Variants in TOP3A observed in about 807,000 individuals in gnomAD.
TOP3A encodes the protein DNA topoisomerase 3-alpha.
Under a neutral mutation model 111.3 loss-of-function variants are expected in TOP3A, and 64 were observed. That is an observed-to-expected ratio of 0.57 (90% CI 0.47 to 0.71). TOP3A has a LOEUF of 0.71. Ranked by LOEUF, TOP3A falls within the 30% of genes least tolerant of loss-of-function variation. The pLI is 0.00. For missense variants in TOP3A, 1,104 were observed against 1,285.0 expected, an observed-to-expected ratio of 0.86 and a Z score of 2.15; for synonymous variants, 484 against 485.1, an observed-to-expected ratio of 1.00 and a Z score of 0.03.
In TOP3A at chr17:18,292,833, T is replaced by A. The variant is rs774410894; in HGVS notation, c.1093A>T (p.Thr365Ser). 9.3e-6 allele frequency: 15 copies of A among 1,613,328 alleles called. 1 individual carries two copies. The South Asian group carries it at 1.6e-4, about 18-fold the overall frequency. The change falls in exon 11 of 19, where the codon ACA (threonine) becomes TCA (serine). Residue 365 changes from threonine (T) to serine (S), a missense_variant. Physicochemically the swap from Thr to Ser is moderately conservative, Grantham distance 58. Coordinates refer to ENST00000321105, the MANE Select transcript of TOP3A (RefSeq NM_004618.5). ...YTQGYISYPR[T>S]ETNIFPRDLN... ...TCTCTGGGAAAAATGTTTGTTTCTG[T>A]TCGGGGATAGCTGATGTACCTAAAA... is the stretch of plus-strand genomic sequence containing the variant.
At chr17:18,276,690 C>T (rs1979391985) in intron 18 of TOP3A, among the ~76,000 whole-genome samples, 1 of 152,150 alleles carries the variant, frequency 6.6e-6, no homozygotes, top group Admixed American at 6.6e-5. Context: ...TCCCACTAGG[C>T]CTTTGGGTCA....
At chr17:18,290,172 T>C (rs754953448) in intron 13 of TOP3A, among the ~76,000 whole-genome samples, 16 of 152,230 alleles carry the variant, frequency 1.1e-4, no homozygotes, top group Non-Finnish European at 1.6e-4. Flanking sequence ...AAAATGAAGA[T>C]AGATTTTATG....
Position 18,274,547 on chromosome 17 carries a change from A to C in TOP3A, c.*255T>G. The C allele has an allele frequency of 3.4e-5, 13 of 384,528 alleles. No individual in the cohort carries two copies. Among genetic ancestry groups the C allele is most frequent in the South Asian group, 6.7e-5 (1 of 14,880 alleles). The allele number at this position is 384,528 out of a possible 1,614,324, so 23.8% of individuals were successfully genotyped here. A position where few individuals can be genotyped will look rare whatever the true frequency, so the allele number is the denominator to read the frequency against. ...CAACCATCCTTGGGGGGTCCGAGGG[A>C]GCAGCTGCGTGACTTTTCAGCAGTG... On this transcript the variant is annotated 3_prime_UTR_variant, in exon 19 of 19. Transcript: ENST00000321105.
rs1460514445 is a variant in TOP3A, at chr17:18,272,230, A to G, written c.*2572T>C. ...CACAATGACACGCCACTTCATACCC[A>G]CTAGGATGACAAAACACTAGGATGG... On this transcript the variant is annotated 3_prime_UTR_variant, in exon 19 of 19. Transcript: ENST00000321105. 6.6e-6 allele frequency among the ~76,000 whole-genome samples: 1 copy of G among 152,204 alleles called. No individual in the cohort carries two copies. The highest frequency in any genetic ancestry group is 2.4e-5 in the African/African-American group (1 of 41,460).
chr17:18,282,933 TG>T, intron 15 of TOP3A, 92 bp from the exon 16 acceptor site: 1 of 1,525,114 alleles, frequency 6.6e-7, no homozygotes, highest in Middle Eastern at 1.7e-4. Context: ...GGCGTGACCT[TG>T]AGAACCAGCT....
chr17:18,283,145 G>A (rs530764374), intron 15 of TOP3A, among the ~76,000 whole-genome samples: 7 of 152,246 alleles, frequency 4.6e-5, no homozygotes, highest in Admixed American at 2.0e-4. Context: ...CGAGGCGGGC[G>A]GATCACCTGA....
intron 16 of TOP3A, 24 bp downstream of exon 16, chr17:18,282,674 G>C (rs752031788): frequency 6.2e-6 from 10 of 1,612,326 alleles, no homozygotes; most frequent in Middle Eastern, 4.1e-4. Context: ...GAGCAGAGGT[G>C]GGGGCAGAAG....
At chr17:18,276,707 G>C (rs1034327720) in intron 18 of TOP3A, among the ~76,000 whole-genome samples, 1 of 152,186 alleles carries the variant, frequency 6.6e-6, no homozygotes, top group Admixed American at 6.5e-5. Context: ...GTCATTCTCA[G>C]CTACTTAAGC....
intron 13 of TOP3A, among the ~76,000 whole-genome samples, chr17:18,287,853 C>G (rs1391008670): frequency 6.6e-6 from 1 of 151,436 alleles, no homozygotes; most frequent in African/African-American, 2.4e-5. Context: ...CAAAAATTAG[C>G]TGGGTGTGGT....
chr17:18,290,240 C>A (rs919649266), intron 13 of TOP3A, among the ~76,000 whole-genome samples: 2 of 152,214 alleles, frequency 1.3e-5, no homozygotes, highest in African/African-American at 4.8e-5. Context: ...TTCGAAAGAA[C>A]AACAAATCCT....
At chr17:18,308,328 C>T in intron 3 of TOP3A, 23 bp downstream of exon 3, 1 of 1,487,262 alleles carries the variant, frequency 6.7e-7, no homozygotes, top group Non-Finnish European at 9.2e-7. Flanking sequence ...TCTGAAAGTC[C>T]TTCCCTTGAG....
In TOP3A at chr17:18,292,780, C is replaced by T. The variant is rs1332224269; in HGVS notation, c.1146G>A (p.Gln382=). The T allele has an allele frequency of 1.2e-6, 2 of 1,613,930 alleles. No individual in the cohort carries two copies. The highest frequency in any genetic ancestry group is 1.3e-5 in the African/African-American group (1 of 74,922). ...CCCCCCAGCGTGGATCGGGGGTCTG[C>T]TGTTCCACCAACACCGTCAGGTTTA... ...RDLNLTVLVE[Q]QTPDPRWGAF... is the part of the protein sequence containing the mutation. Residue 382 remains glutamine, a synonymous_variant, in exon 11 of 19, where the codon CAG becomes CAA. Coordinates refer to ENST00000321105, the MANE Select transcript of TOP3A (RefSeq NM_004618.5).
intron 4 of TOP3A, among the ~76,000 whole-genome samples, chr17:18,305,817 G>A (rs1981545483): frequency 6.6e-6 from 1 of 152,098 alleles, no homozygotes; most frequent in African/African-American, 2.4e-5. Flanking sequence ...CAGCCTGGGT[G>A]ACAGAGCAAG....
chr17:18,305,486 ACGCGCGCG>A (rs34041678), intron 4 of TOP3A, among the ~76,000 whole-genome samples: 12 of 149,412 alleles, frequency 8.0e-5, no homozygotes, highest in African/African-American at 2.5e-4. Context: ...ACACACACAC[ACGCGCGCG>A]CGCGCGCGCG....
At chr17:18,298,221 G>A (rs1360432833) in intron 9 of TOP3A, among the ~76,000 whole-genome samples, 5 of 149,444 alleles carry the variant, frequency 3.3e-5, no homozygotes, top group Admixed American at 1.3e-4. Flanking sequence ...GAGCCCCTCC[G>A]CCCAGCAGCC....
intron 15 of TOP3A, among the ~76,000 whole-genome samples, chr17:18,284,380 C>G (rs984995276): frequency 1.3e-5 from 2 of 152,058 alleles, no homozygotes; most frequent in Non-Finnish European, 1.5e-5. Flanking sequence ...CACGTGTGAT[C>G]AACTCAACCT....
chr17:18,297,152 G>A (rs1396753702), intron 9 of TOP3A, among the ~76,000 whole-genome samples: 4 of 152,246 alleles, frequency 2.6e-5, no homozygotes, highest in Non-Finnish European at 2.9e-5. Context: ...AAGGCCAGGC[G>A]CGGTGGCTCA....
chr17:18,293,874 CGT>C (rs753370714), intron 10 of TOP3A, among the ~76,000 whole-genome samples: 2 of 152,216 alleles, frequency 1.3e-5, no homozygotes, highest in Non-Finnish European at 2.9e-5. Context: ...GGATTACAGG[CGT>C]GAGCCACCAC....
At chr17:18,304,583 A>G (rs1333084940) in intron 5 of TOP3A, among the ~76,000 whole-genome samples, 1 of 152,208 alleles carries the variant, frequency 6.6e-6, no homozygotes, top group African/African-American at 2.4e-5. Context: ...TTAATAGTCG[A>G]GCATTGTATA....
Sources: allele counts gnomAD v4.1 joint callset (sites outside exome capture counted in the v4.1 genomes callset), GRCh38; gene constraint gnomAD v4.1.1; transcripts MANE v1.5; gene names NCBI Gene and HGNC (gene_info 2026-07-23, HGNC 2026-07-21).